PDE4B: variants seen among roughly 807,000 people sequenced by gnomAD.
PDE4B encodes the protein phosphodiesterase 4B, also known as 3',5'-cyclic-AMP phosphodiesterase 4B.
Under a neutral mutation model 82.2 loss-of-function variants are expected in PDE4B, and 20 were observed. That is an observed-to-expected ratio of 0.24 (90% CI 0.17 to 0.35). PDE4B has a LOEUF of 0.35. Among genes scored for constraint, PDE4B ranks in the 10% least tolerant of loss-of-function variants. The pLI, the probability that PDE4B is intolerant of heterozygous loss-of-function variation, is 1.00. For missense variants in PDE4B, 655 were observed against 907.2 expected (o/e 0.72, Z 3.57); for synonymous variants, 320 against 318.9 (o/e 1.00, Z -0.04).
chr1:66,017,327 A>G (rs949066075), intron 3 of PDE4B, among the ~76,000 whole-genome samples: 3 of 152,240 alleles, frequency 2.0e-5, no homozygotes, highest in Non-Finnish European at 2.9e-5. Flanking sequence ...GAAGAGGATC[A>G]TATCCAGTAG....
intron 3 of PDE4B, among the ~76,000 whole-genome samples, chr1:65,959,283 C>T (rs1190058017): frequency 1.3e-5 from 2 of 152,188 alleles, no homozygotes; most frequent in Non-Finnish European, 2.9e-5. Flanking sequence ...TCACCTCATT[C>T]TGAGAAGACT....
intron 3 of PDE4B, among the ~76,000 whole-genome samples, chr1:66,030,660 A>G (rs116164067): frequency 0.011 from 1,736 of 152,334 alleles, 36 homozygotes; most frequent in African/African-American, 0.04. Context: ...ATATACACCC[A>G]TATGTTCATC....
At chr1:66,364,163 T>C (rs897115291) in intron 12 of PDE4B, among the ~76,000 whole-genome samples, 24 of 152,306 alleles carry the variant, frequency 1.6e-4, no homozygotes, top group Non-Finnish European at 1.9e-4. Flanking sequence ...TAGGTATATA[T>C]AGAGCACTAT....
intron 3 of PDE4B, among the ~76,000 whole-genome samples, chr1:66,185,827 C>T (rs1647186320): frequency 6.6e-6 from 1 of 151,916 alleles, no homozygotes; most frequent in Non-Finnish European, 1.5e-5. Flanking sequence ...TGTGCAGAGG[C>T]TCTTTAGTTT....
chr1:66,004,652 A>T (rs1404820820), intron 3 of PDE4B, among the ~76,000 whole-genome samples: 1 of 152,080 alleles, frequency 6.6e-6, no homozygotes, highest in Non-Finnish European at 1.5e-5. Context: ...AAAACATTTA[A>T]TGGTCTTTTC....
intron 7 of PDE4B, among the ~76,000 whole-genome samples, chr1:66,306,602 C>T (rs1368359919): frequency 3.3e-5 from 5 of 152,060 alleles, no homozygotes; most frequent in Non-Finnish European, 5.9e-5. Context: ...TATGGAAAAC[C>T]TAGGGAGATT....
chr1:66,027,228 G>A (rs1199618059), intron 3 of PDE4B, among the ~76,000 whole-genome samples: 1 of 152,110 alleles, frequency 6.6e-6, no homozygotes, highest in Admixed American at 6.5e-5. Flanking sequence ...GGAGGAAAAA[G>A]GCACTTCTTA....
rs148652850 is a variant in PDE4B at position 65,841,824 on chromosome 1, A to G, written c.-71+48576A>G. ...GGCAACAAACCATCAACATGTTATT[A>G]TATAAGAGAAATTCCATTTTGGATT... On this transcript the variant is annotated intron_variant, in intron 1 of 16. Coordinates refer to ENST00000341517, the MANE Select transcript of PDE4B (RefSeq NM_002600.4). Among the ~76,000 whole-genome samples the G allele has an allele frequency of 4.4e-3, 664 of 152,254 alleles. 3 individuals are homozygous for G. Among genetic ancestry groups the G allele is most frequent in the African/African-American group, 0.015 (637 of 41,572 alleles).
chr1:66,166,832 A>G (rs1335007104), intron 3 of PDE4B, among the ~76,000 whole-genome samples: 1 of 152,210 alleles, frequency 6.6e-6, no homozygotes, highest in African/African-American at 2.4e-5. Flanking sequence ...GAATACACAA[A>G]GAATACTTAC....
At chr1:65,816,271 G>T (rs930776715) in intron 1 of PDE4B, among the ~76,000 whole-genome samples, 3 of 150,678 alleles carry the variant, frequency 2.0e-5, no homozygotes, top group African/African-American at 7.3e-5. Context: ...GGGTGGGGTG[G>T]TGAGTACAAT....
At chr1:65,912,007 T>TA (rs397791282) in intron 1 of PDE4B, among the ~76,000 whole-genome samples, 1 of 152,070 alleles carries the variant, frequency 6.6e-6, no homozygotes, top group Non-Finnish European at 1.5e-5. Flanking sequence ...GACTTTTTTT[T>TA]AAATAAGGCA....
At chr1:66,203,413 G>A (rs1426655032) in intron 3 of PDE4B, among the ~76,000 whole-genome samples, 1 of 152,204 alleles carries the variant, frequency 6.6e-6, no homozygotes. Context: ...GATTGGGGAA[G>A]TTCTCCTGGG....
chr1:66,257,343 T>C (rs1203964818), intron 4 of PDE4B: 1 of 459,608 alleles, frequency 2.2e-6, no homozygotes, highest in Admixed American at 2.9e-5. Flanking sequence ...CAAGTCGCTT[T>C]GAATTACAGT....
intron 8 of PDE4B, among the ~76,000 whole-genome samples, chr1:66,337,675 A>T (rs1660637164): frequency 2.0e-5 from 3 of 152,218 alleles, no homozygotes; most frequent in African/African-American, 4.8e-5. Flanking sequence ...GTCAAGGTAA[A>T]GGAGATAGCT....
At chr1:66,212,713 C>A (rs951383536) in intron 3 of PDE4B, among the ~76,000 whole-genome samples, 2 of 152,146 alleles carry the variant, frequency 1.3e-5, no homozygotes, top group African/African-American at 4.8e-5. Flanking sequence ...ATTAAACATT[C>A]AATGAACTGA....
At chr1:65,945,052 A>T (rs924640810) in intron 3 of PDE4B, among the ~76,000 whole-genome samples, 2 of 152,024 alleles carry the variant, frequency 1.3e-5, no homozygotes, top group Non-Finnish European at 2.9e-5. Flanking sequence ...AGGAGAGTAA[A>T]GTTGAGCAAA....
chr1:66,117,776 T>C (rs1285636031), intron 3 of PDE4B, among the ~76,000 whole-genome samples: 1 of 152,212 alleles, frequency 6.6e-6, no homozygotes, highest in Non-Finnish European at 1.5e-5. Flanking sequence ...CATTTTTCTT[T>C]TCTATATGTC....
intron 1 of PDE4B, among the ~76,000 whole-genome samples, chr1:65,876,377 A>G (rs1412987296): frequency 6.6e-6 from 1 of 152,132 alleles, no homozygotes; most frequent in Non-Finnish European, 1.5e-5. Context: ...ATAGCACACA[A>G]TGGAGCAATA....
intron 6 of PDE4B, among the ~76,000 whole-genome samples, chr1:66,261,025 T>G (rs1654641134): frequency 1.3e-5 from 2 of 152,202 alleles, no homozygotes; most frequent in African/African-American, 4.8e-5. Flanking sequence ...TTGCAAGTAC[T>G]ACCTTGTCAC....
Sources: allele counts gnomAD v4.1 joint callset (sites outside exome capture counted in the v4.1 genomes callset), GRCh38; gene constraint gnomAD v4.1.1; transcripts MANE v1.5; gene names NCBI Gene and HGNC (gene_info 2026-07-23, HGNC 2026-07-21).